EML5: variants seen among roughly 807,000 people sequenced by gnomAD.
EML5 encodes the protein EMAP like 5, also known as echinoderm microtubule-associated protein-like 5.
In EML5, 120 loss-of-function variants were observed where a neutral mutation model predicts 250.0. The ratio of observed to expected loss-of-function variants is 0.48; its 90% confidence interval spans 0.41 to 0.56. The LOEUF is 0.56. Among genes scored for constraint, EML5 ranks in the 20% least tolerant of loss-of-function variants. The pLI, the probability that EML5 is intolerant of heterozygous loss-of-function variation, is 0.00. For synonymous variants in EML5, 771 were observed against 806.5 expected (o/e 0.96, Z 0.75); for missense variants, 2,006 against 2,437.6 (o/e 0.82, Z 3.73).
intron 9 of EML5, among the ~76,000 whole-genome samples, chr14:88,713,743 A>G (rs1265779279): frequency 1.3e-5 from 2 of 150,926 alleles, no homozygotes; most frequent in Non-Finnish European, 2.9e-5. Flanking sequence ...GGCGTGAGGC[A>G]CTGCACATAG....
At chr14:88,760,070 C>T (rs1025225321) in intron 1 of EML5, among the ~76,000 whole-genome samples, 1 of 152,146 alleles carries the variant, frequency 6.6e-6, no homozygotes, top group Non-Finnish European at 1.5e-5. Context: ...ATTCTCAATA[C>T]AAGTCCCTTT....
chr14:88,788,707 G>A (rs2094575197), intron 1 of EML5, among the ~76,000 whole-genome samples: 1 of 151,942 alleles, frequency 6.6e-6, no homozygotes, highest in South Asian at 2.1e-4. Context: ...ATATCCTTAA[G>A]AACAATCTTG....
chr14:88,693,022 C>T (rs541164974), intron 17 of EML5, among the ~76,000 whole-genome samples: 3 of 152,030 alleles, frequency 2.0e-5, no homozygotes, highest in Non-Finnish European at 4.4e-5. Context: ...AGAAAACAGA[C>T]ATTTTTTATT....
At chr14:88,739,060 A>G in intron 5 of EML5, 46 bp from the exon 6 acceptor site, 1 of 1,537,222 alleles carries the variant, frequency 6.5e-7, no homozygotes, top group Non-Finnish European at 8.8e-7. Flanking sequence ...TTTTTTAAGA[A>G]CATCTACTAT....
intron 6 of EML5, among the ~76,000 whole-genome samples, chr14:88,737,606 T>C (rs1012018946): frequency 1.3e-5 from 2 of 152,250 alleles, no homozygotes; most frequent in African/African-American, 4.8e-5. Flanking sequence ...AAATTGAAGT[T>C]AATTTTGTAC....
Position 88,694,359 on chromosome 14 carries a change from A to G in EML5, c.2487T>C (p.Pro829=). Residue 829 remains proline (P), a synonymous_variant, in exon 17 of 44, where the codon CCT becomes CCC. Coordinates refer to ENST00000554922, the MANE Select transcript of EML5 (RefSeq NM_183387.3). The stretch of plus-strand genomic sequence containing the variant: ...TAATTCCAGCTGTAATTAGTTTATC[A>G]GGCACATAGGGGTTCATCTTTACAA... The part of the protein sequence containing the change: ...IFVVKMNPYV[P]DKLITAGIKH... The G allele has an allele frequency of 6.3e-7, 1 of 1,594,650 alleles. No individual in the cohort carries two copies.
At chr14:88,659,241 CT>C (rs201879199) in intron 25 of EML5, among the ~76,000 whole-genome samples, 194 of 145,130 alleles carry the variant, frequency 1.3e-3, no homozygotes, top group African/African-American at 1.3e-3. Flanking sequence ...TGACGACTCT[CT>C]TTTTTTTTTT....
chr14:88,694,409 T>C lies in EML5; in HGVS notation c.2439-2A>G. The C allele has an allele frequency of 6.5e-7, 1 of 1,541,080 alleles. No homozygotes were observed. Among genetic ancestry groups the C allele is most frequent in the Middle Eastern group, 1.7e-4 (1 of 5,936 alleles). On this transcript the variant is annotated splice_acceptor_variant, in intron 16 of 43. Transcript: ENST00000554922. LOFTEE classifies it high-confidence loss of function. ...ACAAAAATCTTATCTTTACTTCCTCTGAAATAAACATCGAAATGTTTTAGC... is the reference window on the plus strand; with the variant it reads ...ACAAAAATCTTATCTTTACTTCCTCCGAAATAAACATCGAAATGTTTTAGC...
intron 17 of EML5, among the ~76,000 whole-genome samples, chr14:88,691,423 A>C (rs889785696): frequency 2.0e-5 from 3 of 152,194 alleles, no homozygotes; most frequent in African/African-American, 7.2e-5. Flanking sequence ...ATTTATGGAA[A>C]AAGTTTGCCA....
chr14:88,736,680 C>A, intron 6 of EML5, 115 bp from the exon 7 acceptor site: 1 of 972,544 alleles, frequency 1.0e-6, no homozygotes, highest in Non-Finnish European at 1.5e-6. Context: ...ACCTTCAAAC[C>A]TAAGACAGTT....
chr14:88,750,504 G>C (rs2094076962), intron 2 of EML5, among the ~76,000 whole-genome samples: 1 of 152,016 alleles, frequency 6.6e-6, no homozygotes, highest in Admixed American at 6.6e-5. Flanking sequence ...TAGAGTGCCT[G>C]GTATATGACT....
At chr14:88,763,973 C>T (rs543504210) in intron 1 of EML5, among the ~76,000 whole-genome samples, 25 of 152,280 alleles carry the variant, frequency 1.6e-4, no homozygotes, top group African/African-American at 5.8e-4. Flanking sequence ...CTGTCAAATG[C>T]TTTTCCTGTA....
intron 27 of EML5, among the ~76,000 whole-genome samples, chr14:88,656,338 A>G (rs1304770795): frequency 2.6e-5 from 4 of 152,156 alleles, no homozygotes; most frequent in African/African-American, 9.7e-5. Flanking sequence ...GAAGCTGGAA[A>G]CCATCATTCT....
intron 32 of EML5, among the ~76,000 whole-genome samples, chr14:88,637,778 T>C (rs944995264): frequency 2.0e-5 from 3 of 152,196 alleles, no homozygotes; most frequent in Non-Finnish European, 4.4e-5. Context: ...TTGTTCCTTG[T>C]GCACAGTGAA....
rs34008480 is a variant in EML5 at position 88,670,319 on chromosome 14, CA to C, written c.3125-4831del. On this transcript the variant is annotated intron_variant, in intron 21 of 43. Transcript: ENST00000554922. ...TGGGTGATAGAGCAGGACTCCATCT[CA>C]AAAAAAAAAAAAAAAAGGAGAAAAA... Among the ~76,000 whole-genome samples the C allele has an allele frequency of 6.9e-3, 564 of 81,182 alleles. 2 individuals carry two copies. The highest frequency in any genetic ancestry group is 0.014 in the Middle Eastern group (2 of 142). The allele number at this position is 81,182 out of a possible 152,430, so 53.3% of individuals were successfully genotyped here.
intron 1 of EML5, among the ~76,000 whole-genome samples, chr14:88,777,390 G>C (rs915516047): frequency 6.6e-6 from 1 of 152,156 alleles, no homozygotes; most frequent in Non-Finnish European, 1.5e-5. Flanking sequence ...AACAAAAGCT[G>C]AGGGATTTCA....
Position 88,688,371 on chromosome 14 carries a change from C to G in EML5, c.2642G>C (p.Gly881Ala). The G allele has an allele frequency of 6.2e-7, 1 of 1,613,938 alleles. No individual in the cohort carries two copies. Among genetic ancestry groups the G allele is most frequent in the Non-Finnish European group, 8.5e-7 (1 of 1,179,886 alleles). Residue 881 changes from glycine (G) to alanine (A), a missense_variant, in exon 18 of 44, where the codon GGA becomes GCA. Gly to Ala is a moderately conservative substitution (Grantham distance 60). Coordinates refer to ENST00000554922, the MANE Select transcript of EML5 (RefSeq NM_183387.3). ...YGWTEEMAFS[G>A]TSTGDVCIWR... The stretch of plus-strand genomic sequence containing the variant: ...GATACACACATCTCCTGTGGATGTT[C>G]CAGAAAAAGCCATCTCTTCAGTCCA...
chr14:88,764,447 A>G (rs1422472592), intron 1 of EML5, among the ~76,000 whole-genome samples: 4 of 152,298 alleles, frequency 2.6e-5, no homozygotes, highest in Non-Finnish European at 5.9e-5. Context: ...CTTTAGGTCA[A>G]TAGTGATATC....
At chr14:88,648,546 G>A (rs866253445) in intron 28 of EML5, among the ~76,000 whole-genome samples, 19 of 151,870 alleles carry the variant, frequency 1.3e-4, no homozygotes, top group African/African-American at 2.9e-4. Context: ...TTGTAGAGAC[G>A]GTGCCTCATC....
Sources: gnomAD v4.1 joint callset for allele counts (sites outside exome capture counted in the v4.1 genomes callset) on GRCh38, gnomAD v4.1.1 for gene constraint, MANE v1.5 for transcripts, NCBI Gene and HGNC (gene_info 2026-07-23, HGNC 2026-07-21) for gene names.